MACROD2: variants seen among roughly 807,000 people sequenced by gnomAD.
MACROD2 encodes mono-ADP ribosylhydrolase 2.
MACROD2 carries 36 observed loss-of-function variants against 70.4 expected under a neutral mutation model. The observed-to-expected ratio is 0.51, with a 90% CI of 0.39 to 0.68. The LOEUF (loss-of-function observed/expected upper bound fraction) is 0.68. Ranked by LOEUF, MACROD2 falls within the 30% of genes least tolerant of loss-of-function variation. The probability of loss-of-function intolerance (pLI) is 0.00; values close to 1 mark genes in which losing one functional copy is unlikely to be tolerated. For synonymous variants in MACROD2, 172 were observed against 178.8 expected, an observed-to-expected ratio of 0.96 and a Z score of 0.30; for missense variants, 496 against 538.4, an observed-to-expected ratio of 0.92 and a Z score of 0.78.
chr20:15,597,523 C>T (rs2048761651), intron 8 of MACROD2, among the ~76,000 whole-genome samples: 1 of 152,106 alleles, frequency 6.6e-6, no homozygotes, highest in African/African-American at 2.4e-5. Flanking sequence ...AAAGGGAGTG[C>T]CGGATTCCTT....
intron 8 of MACROD2, among the ~76,000 whole-genome samples, chr20:15,774,489 T>C (rs2051688355): frequency 6.6e-6 from 1 of 152,174 alleles, no homozygotes; most frequent in Non-Finnish European, 1.5e-5. Context: ...CTGAACACTT[T>C]CTAGAGATTC....
chr20:13,996,547 G>C (rs2052659851), intron 1 of MACROD2: 4 of 152,190 alleles, frequency 2.6e-5, no homozygotes, highest in Admixed American at 2.6e-4. Flanking sequence ...ATGTCACTCT[G>C]TATGAACCCA....
chr20:14,357,251 G>T (rs1472668656), intron 3 of MACROD2, among the ~76,000 whole-genome samples: 2 of 152,116 alleles, frequency 1.3e-5, no homozygotes, highest in Middle Eastern at 3.2e-3. Context: ...AATATGCTTG[G>T]CTTTCTTATC....
chr20:14,944,378 G>A (rs923759237), intron 5 of MACROD2, among the ~76,000 whole-genome samples: 4 of 152,148 alleles, frequency 2.6e-5, no homozygotes, highest in African/African-American at 9.7e-5. Flanking sequence ...CTTTCTTCAT[G>A]TAAGAAGATG....
intron 5 of MACROD2, among the ~76,000 whole-genome samples, chr20:14,783,658 T>G (rs1401351766): frequency 6.6e-6 from 1 of 152,106 alleles, no homozygotes; most frequent in African/African-American, 2.4e-5. Context: ...TCTGAGATTT[T>G]AAGGATTTGA....
At chr20:15,105,218 C>G (rs1455317798) in intron 5 of MACROD2, among the ~76,000 whole-genome samples, 1 of 152,126 alleles carries the variant, frequency 6.6e-6, no homozygotes, top group African/African-American at 2.4e-5. Context: ...AACTCAGCTT[C>G]TCTTCCTTGT....
At chr20:15,026,229 C>A (rs928047464) in intron 5 of MACROD2, among the ~76,000 whole-genome samples, 2 of 152,108 alleles carry the variant, frequency 1.3e-5, no homozygotes, top group Non-Finnish European at 2.9e-5. Context: ...AAGGCATTTA[C>A]CATTGTTTAA....
At chr20:14,872,452 C>T (rs934642498) in intron 5 of MACROD2, among the ~76,000 whole-genome samples, 8 of 152,204 alleles carry the variant, frequency 5.3e-5, no homozygotes, top group African/African-American at 1.9e-4. Context: ...GTTTCTCTCA[C>T]ATGATGTCTG....
chr20:15,677,931 G>T (rs535470400), intron 8 of MACROD2, among the ~76,000 whole-genome samples: 1 of 152,136 alleles, frequency 6.6e-6, no homozygotes, highest in East Asian at 1.9e-4. Flanking sequence ...CAAGCATGGT[G>T]GTGGGCACCT....
chr20:14,922,354 G>A (rs779823650), intron 5 of MACROD2, among the ~76,000 whole-genome samples: 22 of 151,980 alleles, frequency 1.4e-4, no homozygotes, highest in African/African-American at 4.6e-4. Context: ...AGAATGCAAC[G>A]GTTACATGGC....
intron 5 of MACROD2, among the ~76,000 whole-genome samples, chr20:14,874,714 TTTA>T (rs2073530053): frequency 7.0e-6 from 1 of 142,068 alleles, no homozygotes; most frequent in Non-Finnish European, 1.6e-5. Flanking sequence ...TATTTATTTA[TTTA>T]TTTTTGAGAC....
At position 14,173,145 on chromosome 20, in the gene MACROD2, A is replaced by G. The variant is rs962840605; in HGVS notation, c.271+87417A>G. Among the ~76,000 whole-genome samples the G allele has an allele frequency of 5.3e-5, 8 of 152,184 alleles. No individual in the cohort carries two copies. In the East Asian group the frequency reaches 1.5e-3, roughly 29 times the overall value. ...ATGATCTTTTTGCGATAAATTTTCC[A>G]GATTTTCTTTGAGCTTCTTGTATTT... On this transcript the variant is annotated intron_variant, in intron 3 of 17. Coordinates refer to ENST00000684519, the MANE Select transcript of MACROD2 (RefSeq NM_001351661.2).
At chr20:14,257,468 G>C (rs1213920768) in intron 3 of MACROD2, among the ~76,000 whole-genome samples, 1 of 151,874 alleles carries the variant, frequency 6.6e-6, no homozygotes, top group African/African-American at 2.4e-5. Flanking sequence ...TTAAAGTACA[G>C]TAAAAGAAAA....
chr20:15,239,044 A>C (rs938712834), intron 6 of MACROD2, among the ~76,000 whole-genome samples: 1 of 152,212 alleles, frequency 6.6e-6, no homozygotes, highest in Non-Finnish European at 1.5e-5. Flanking sequence ...GAAATAGTCA[A>C]TTGAAGACAC....
chr20:14,897,512 G>C (rs1157280082), intron 5 of MACROD2, among the ~76,000 whole-genome samples: 2 of 152,064 alleles, frequency 1.3e-5, no homozygotes, highest in Non-Finnish European at 2.9e-5. Context: ...TAAAATAGTT[G>C]TATAATAGAA....
intron 5 of MACROD2, among the ~76,000 whole-genome samples, chr20:14,718,736 A>T (rs2071427112): frequency 6.6e-6 from 1 of 151,706 alleles, no homozygotes; most frequent in South Asian, 2.1e-4. Flanking sequence ...ACAAAATTTC[A>T]TTGTTTGGAA....
chr20:14,989,928 A>T (rs1005923796), intron 5 of MACROD2, among the ~76,000 whole-genome samples: 1 of 152,050 alleles, frequency 6.6e-6, no homozygotes, highest in African/African-American at 2.4e-5. Context: ...TATTATTCCT[A>T]TGTCAATTTT....
chr20:15,308,780 G>A (rs1013089325), intron 6 of MACROD2, among the ~76,000 whole-genome samples: 4 of 152,218 alleles, frequency 2.6e-5, no homozygotes, highest in Admixed American at 6.5e-5. Flanking sequence ...CACAGCACAC[G>A]TAGCCTGTGC....
At chr20:16,023,875 C>T (rs534177918) in intron 15 of MACROD2, among the ~76,000 whole-genome samples, 6 of 152,088 alleles carry the variant, frequency 3.9e-5, no homozygotes, top group African/African-American at 4.8e-5. Context: ...AAATTCTATG[C>T]GCTCAGGACC....
Sources: gnomAD v4.1 joint callset for allele counts (sites outside exome capture counted in the v4.1 genomes callset) on GRCh38, gnomAD v4.1.1 for gene constraint, MANE v1.5 for transcripts, NCBI Gene and HGNC (gene_info 2026-07-23, HGNC 2026-07-21) for gene names.